RNF17: variants seen among roughly 807,000 people sequenced by gnomAD.
RNF17 encodes ring finger protein 17.
In RNF17, 31 loss-of-function variants were observed where a neutral mutation model predicts 200.5. That is an observed-to-expected ratio of 0.15 (90% CI 0.12 to 0.21). The LOEUF is 0.21. Among genes scored for constraint, RNF17 ranks in the 10% least tolerant of loss-of-function variants. The pLI is 1.00. For missense variants in RNF17, 1,628 were observed against 1,905.1 expected, an observed-to-expected ratio of 0.85 and a Z score of 2.71; for synonymous variants, 606 against 637.8, an observed-to-expected ratio of 0.95 and a Z score of 0.75.
At chr13:24,798,154 A>C (rs967315149) in intron 11 of RNF17, among the ~76,000 whole-genome samples, 41 of 152,272 alleles carry the variant, frequency 2.7e-4, no homozygotes, top group African/African-American at 9.9e-4. Flanking sequence ...TTCAGTATTT[A>C]ATATTAGAAG....
chr13:24,820,747 A>T (rs1887966630), intron 15 of RNF17, among the ~76,000 whole-genome samples: 1 of 152,084 alleles, frequency 6.6e-6, no homozygotes, highest in African/African-American at 2.4e-5. Flanking sequence ...GGCCTCCAAG[A>T]TTTCTAATAT....
chr13:24,867,808 G>A (rs933519407), intron 30 of RNF17, among the ~76,000 whole-genome samples: 5 of 152,084 alleles, frequency 3.3e-5, no homozygotes, highest in East Asian at 1.9e-4. Context: ...GCTTTCATAT[G>A]GCTTAAGAGA....
chr13:24,764,208 C>A lies in RNF17; in HGVS notation c.5C>A (p.Ala2Glu). 6.3e-7 allele frequency: 1 copy of A among 1,590,878 alleles called. No homozygotes were observed. The highest frequency in any genetic ancestry group is 8.6e-7 in the Non-Finnish European group (1 of 1,162,164). The change falls in exon 1 of 36, where the codon GCG (alanine) becomes GAG (glutamate). Residue 2 changes from alanine to glutamate, a missense_variant. Transcript: ENST00000255324. The part of the protein sequence containing the change: M[A>E]AEASKTGPSR... ...TTCCAGAAGAAAGAGACAGCGATGG[C>A]GGCAGAGGCTTCGAAGACTGGGCCT...
At position 24,768,586 on chromosome 13, in the gene RNF17, G is replaced by A. The variant is rs542051280; in HGVS notation, c.225+1220G>A. Among the ~76,000 whole-genome samples, 23 of 152,158 alleles carry A rather than the reference G, an allele frequency of 1.5e-4. No individual in the cohort carries two copies. The East Asian group carries it at 4.1e-3, about 27-fold the overall frequency. The stretch of plus-strand genomic sequence containing the variant: ...GGCATGAGCCACCGCGCCTGGCCAA[G>A]CTGTAAATTCTTGATGTTTTACTGG... On this transcript the variant is annotated intron_variant, in intron 2 of 35. Transcript: ENST00000255324.
chr13:24,764,079 G>C (rs1390711199), upstream of RNF17: 5 of 888,942 alleles, frequency 5.6e-6, no homozygotes, highest in East Asian at 1.2e-4. Context: ...CGAGCTTGGG[G>C]GCGGGCTTTA....
intron 27 of RNF17, among the ~76,000 whole-genome samples, chr13:24,861,787 A>G (rs1287273098): frequency 1.3e-5 from 2 of 152,190 alleles, no homozygotes; most frequent in African/African-American, 2.4e-5. Flanking sequence ...TGCAGTTTCT[A>G]TGGTTCAGGG....
chr13:24,811,403 C>T (rs1333477184), intron 15 of RNF17, among the ~76,000 whole-genome samples: 8 of 151,992 alleles, frequency 5.3e-5, no homozygotes, highest in South Asian at 4.2e-4. Context: ...CATCTTCCAT[C>T]GCTGATACCC....
At chr13:24,814,280 G>A (rs7325631) in intron 15 of RNF17, among the ~76,000 whole-genome samples, 15,219 of 152,190 alleles carry the variant, frequency 0.1, 855 homozygotes, top group East Asian at 0.16. Flanking sequence ...TTGGAACTGC[G>A]TAGTTCAAAG....
At chr13:24,825,493 T>C in intron 15 of RNF17, 126 bp from the exon 16 acceptor site, 1 of 695,564 alleles carries the variant, frequency 1.4e-6, no homozygotes, top group Non-Finnish European at 2.4e-6. Context: ...CGTAACACAA[T>C]TGATAGATTT....
At chr13:24,865,192 T>C (rs1893494112) in intron 29 of RNF17, among the ~76,000 whole-genome samples, 194 bp downstream of exon 29, 1 of 152,224 alleles carries the variant, frequency 6.6e-6, no homozygotes, top group Non-Finnish European at 1.5e-5. Context: ...GTAAAAGACT[T>C]TAATTACATT....
the RNF17 span, among the ~76,000 whole-genome samples, chr13:24,754,244 T>C: frequency 2.0e-5 from 3 of 152,054 alleles, no homozygotes; most frequent in Admixed American, 2.0e-4. Context: ...TGATTCTTGG[T>C]TTAATCCAGT....
chr13:24,859,225 T>A, intron 26 of RNF17, 61 bp downstream of exon 26: 1 of 1,236,726 alleles, frequency 8.1e-7, no homozygotes, highest in Non-Finnish European at 1.1e-6. Context: ...TAAATAGTCT[T>A]GTGCATTTGA....
chr13:24,777,732 G>A (rs1191309021), intron 3 of RNF17, among the ~76,000 whole-genome samples: 2 of 151,928 alleles, frequency 1.3e-5, no homozygotes, highest in African/African-American at 4.8e-5. Flanking sequence ...ACCACGTAAG[G>A]ACCAGTAATT....
intron 3 of RNF17, among the ~76,000 whole-genome samples, chr13:24,777,314 G>A (rs981111203): frequency 1.3e-5 from 2 of 152,158 alleles, no homozygotes; most frequent in Admixed American, 6.5e-5. Flanking sequence ...CCCATAAGCT[G>A]TAAGCTGATG....
chr13:24,853,660 A>G (rs777306497), intron 24 of RNF17, among the ~76,000 whole-genome samples, 195 bp from the exon 25 acceptor site: 4 of 152,164 alleles, frequency 2.6e-5, no homozygotes, highest in Non-Finnish European at 5.9e-5. Flanking sequence ...ATTTACTTAA[A>G]TTTTTATTGC....
At chr13:24,862,107 C>T (rs761223697) in intron 27 of RNF17, among the ~76,000 whole-genome samples, 4 of 152,152 alleles carry the variant, frequency 2.6e-5, no homozygotes, top group Non-Finnish European at 4.4e-5. Context: ...GATCCAGTCA[C>T]CTCCCACCAG....
In RNF17 at chr13:24,809,128, C is replaced by T. The variant is rs1485671481; in HGVS notation, c.2091+4699C>T. Among the ~76,000 whole-genome samples the T allele has an allele frequency of 7.3e-5, 11 of 150,102 alleles. No homozygotes were observed. In the South Asian group the frequency reaches 1.5e-3, roughly 21 times the overall value. ...TCTCTTTTTTGGTTGTGTCTCTGCC[C>T]GGCTTTGGTATCAGGATGATGCTGG... On this transcript the variant is annotated intron_variant, in intron 15 of 35. Coordinates refer to ENST00000255324, the MANE Select transcript of RNF17 (RefSeq NM_031277.3).
In RNF17 at chr13:24,767,333, A is replaced by G; in HGVS notation, c.192A>G (p.Glu64=). The G allele has an allele frequency of 5.0e-6, 8 of 1,611,840 alleles. No homozygotes were observed. The highest frequency in any genetic ancestry group is 4.2e-6 in the Non-Finnish European group (5 of 1,177,944). The change falls in exon 2 of 36, where the codon GAA becomes GAG. Residue 64 remains glutamate, a synonymous_variant. Coordinates refer to ENST00000255324, the MANE Select transcript of RNF17 (RefSeq NM_031277.3). ...GTGAACTATGCTTGTTAATGACTGA[A>G]GAATGCACCACAATTATATGCCCTG... ...AFCELCLLMT[E]ECTTIICPDC... is the part of the protein sequence containing the mutation.
chr13:24,872,678 G>A (rs1316819615), intron 32 of RNF17, among the ~76,000 whole-genome samples: 2 of 152,156 alleles, frequency 1.3e-5, no homozygotes, highest in Non-Finnish European at 1.5e-5. Flanking sequence ...CTTCTTAAAG[G>A]AGTGTGTGTA....
Sources: allele counts gnomAD v4.1 joint callset (sites outside exome capture counted in the v4.1 genomes callset), GRCh38; gene constraint gnomAD v4.1.1; transcripts MANE v1.5; gene names NCBI Gene and HGNC (gene_info 2026-07-23, HGNC 2026-07-21).